CNTNAP4: variants seen among roughly 807,000 people sequenced by gnomAD.
The protein encoded by CNTNAP4 is contactin-associated protein-like 4.
A neutral mutation model predicts 148.4 loss-of-function variants in CNTNAP4; 98 were observed. The ratio of observed to expected loss-of-function variants is 0.66; its 90% CI spans 0.56 to 0.78. CNTNAP4 has a LOEUF of 0.78. Among genes scored for constraint, CNTNAP4 ranks in the 30% least tolerant of loss-of-function variants. The pLI is 0.00. For synonymous variants in CNTNAP4, 730 were observed against 565.1 expected (o/e 1.29, Z -4.14); for missense variants, 1,935 against 1,565.6 (o/e 1.24, Z -3.98).
At chr16:76,539,914 A>C in intron 20 of CNTNAP4, 62 bp downstream of exon 20, 1 of 1,293,762 alleles carries the variant, frequency 7.7e-7, no homozygotes, top group Non-Finnish European at 1.1e-6. Context: ...AAGGATCTCA[A>C]GCAGAAATTT....
intron 3 of CNTNAP4, among the ~76,000 whole-genome samples, chr16:76,366,525 A>G (rs1045689602): frequency 6.6e-6 from 1 of 152,140 alleles, no homozygotes; most frequent in Non-Finnish European, 1.5e-5. Flanking sequence ...TTCTTTATCC[A>G]GTCTTTCATT....
chr16:76,310,318 A>C (rs1597148583), intron 1 of CNTNAP4, among the ~76,000 whole-genome samples: 1 of 152,182 alleles, frequency 6.6e-6, no homozygotes, highest in Non-Finnish European at 1.5e-5. Context: ...AAATTTCTGA[A>C]TGAAATCTTG....
intron 2 of CNTNAP4, among the ~76,000 whole-genome samples, chr16:76,328,520 C>T (rs7204781): frequency 0.17 from 25,307 of 152,026 alleles, 2,750 homozygotes; most frequent in East Asian, 0.32. Flanking sequence ...TTTATGGGAT[C>T]GTGGAACGCA....
intron 1 of CNTNAP4, among the ~76,000 whole-genome samples, chr16:76,282,572 C>T (rs1006205644): frequency 3.3e-5 from 5 of 151,812 alleles, no homozygotes; most frequent in African/African-American, 1.2e-4. Flanking sequence ...ACTTTTAAAG[C>T]AGCAGCTTTC....
At chr16:76,517,516 C>T (rs2144065519) in intron 15 of CNTNAP4, among the ~76,000 whole-genome samples, 1 of 152,278 alleles carries the variant, frequency 6.6e-6, no homozygotes, top group South Asian at 2.1e-4. Context: ...GTGAATGATT[C>T]CTTGCTTCGG....
At chr16:76,299,833 A>C (rs1959750820) in intron 1 of CNTNAP4, among the ~76,000 whole-genome samples, 1 of 152,206 alleles carries the variant, frequency 6.6e-6, no homozygotes, top group South Asian at 2.1e-4. Context: ...TGATAAGTTC[A>C]TGTCCTTTGT....
intron 15 of CNTNAP4, among the ~76,000 whole-genome samples, chr16:76,504,094 G>A (rs1238097227): frequency 6.6e-6 from 1 of 151,948 alleles, no homozygotes; most frequent in Non-Finnish European, 1.5e-5. Context: ...AAATTGGAAA[G>A]CTTATCTTTA....
chr16:76,455,719 C>G (rs2080702704), intron 8 of CNTNAP4, among the ~76,000 whole-genome samples: 1 of 152,218 alleles, frequency 6.6e-6, no homozygotes, highest in African/African-American at 2.4e-5. Flanking sequence ...AGAGGCAACA[C>G]CCTTTGGTTT....
chr16:76,369,548 T>C (rs1347738118), intron 3 of CNTNAP4, among the ~76,000 whole-genome samples: 3 of 152,108 alleles, frequency 2.0e-5, no homozygotes, highest in African/African-American at 7.2e-5. Flanking sequence ...ATGCTTCAGC[T>C]CAAGAAGAGA....
chr16:76,545,527 C>T (rs2084677722), intron 21 of CNTNAP4, among the ~76,000 whole-genome samples: 2 of 152,060 alleles, frequency 1.3e-5, no homozygotes, highest in South Asian at 4.1e-4. Context: ...AATGATGTCA[C>T]CTGCAAAGCT....
chr16:76,395,676 G>A (rs2078177580), intron 3 of CNTNAP4, among the ~76,000 whole-genome samples: 1 of 151,694 alleles, frequency 6.6e-6, no homozygotes, highest in Admixed American at 6.6e-5. Flanking sequence ...TTCTATTTTG[G>A]TCACACAAAT....
intron 3 of CNTNAP4, among the ~76,000 whole-genome samples, chr16:76,376,904 GGTTTGTGTGT>G (rs898270408): frequency 1.9e-5 from 2 of 103,928 alleles, no homozygotes; most frequent in African/African-American, 8.4e-5. Flanking sequence ...AAACTAACAA[GGTTTGTGTGT>G]GTGTGTGTGT....
chr16:76,385,552 G>C (rs1241288317), intron 3 of CNTNAP4, among the ~76,000 whole-genome samples: 1 of 124,920 alleles, frequency 8.0e-6, no homozygotes, highest in Non-Finnish European at 1.7e-5. Context: ...TTAGAAGTGT[G>C]TGTGTGTGTG....
At chr16:76,512,404 G>A (rs182476571) in intron 15 of CNTNAP4, among the ~76,000 whole-genome samples, 13 of 152,232 alleles carry the variant, frequency 8.5e-5, no homozygotes, top group Admixed American at 7.9e-4. Context: ...GAGAGTTGTG[G>A]TGTGGGTAGA....
chr16:76,446,101 C>G (rs1244790410), intron 4 of CNTNAP4, among the ~76,000 whole-genome samples: 3 of 151,562 alleles, frequency 2.0e-5, no homozygotes, highest in Non-Finnish European at 4.4e-5. Context: ...AAAATAAAAC[C>G]TCTGAGTCTT....
chr16:76,460,773 A>AAAATATATATATATATATATAT, intron 8 of CNTNAP4, among the ~76,000 whole-genome samples: 2 of 57,326 alleles, frequency 3.5e-5, no homozygotes, highest in Non-Finnish European at 6.6e-5. Flanking sequence ...AAAAAAAAAA[A>AAAATATATATATATATATATAT]ATATATATAT....
chr16:76,557,163 G>A (rs1337018208), intron 23 of CNTNAP4, among the ~76,000 whole-genome samples: 1 of 152,092 alleles, frequency 6.6e-6, no homozygotes, highest in African/African-American at 2.4e-5. Flanking sequence ...TCACACTCTT[G>A]GCGGCAGAAA....
At chr16:76,432,901 T>G (rs1300096544) in intron 4 of CNTNAP4, among the ~76,000 whole-genome samples, 2 of 152,154 alleles carry the variant, frequency 1.3e-5, no homozygotes, top group Non-Finnish European at 2.9e-5. Context: ...TTTATGATTT[T>G]TCTAGCCTTA....
At chr16:76,410,151 G>C (rs2078742258) in intron 3 of CNTNAP4, among the ~76,000 whole-genome samples, 1 of 151,608 alleles carries the variant, frequency 6.6e-6, no homozygotes, top group Non-Finnish European at 1.5e-5. Flanking sequence ...CAAAAGTTTG[G>C]ATGAGCATAC....
Sources: allele counts gnomAD v4.1 joint callset (sites outside exome capture counted in the v4.1 genomes callset), GRCh38; gene constraint gnomAD v4.1.1; transcripts MANE v1.5; gene names NCBI Gene and HGNC (gene_info 2026-07-23, HGNC 2026-07-21).